The following HNRNPM variants were observed in gnomAD, a reference collection of about 807,000 sequenced individuals.
The protein encoded by HNRNPM is heterogeneous nuclear ribonucleoprotein M.
HNRNPM carries 11 observed loss-of-function variants against 73.1 expected under a neutral mutation model. The ratio of observed to expected loss-of-function variants is 0.15; its 90% CI spans 0.09 to 0.25. The LOEUF (loss-of-function observed/expected upper bound fraction) is 0.25, where lower values mean the gene tolerates loss of function less well. Ranked by LOEUF, HNRNPM falls within the 10% of genes least tolerant of loss-of-function variation. The pLI is 1.00. For missense variants in HNRNPM, 789 were observed against 1,067.9 expected (o/e 0.74, Z 3.64); for synonymous variants, 407 against 355.2 (o/e 1.15, Z -1.64).
At chr19:8,465,797 T>A (rs1357817758) in intron 6 of HNRNPM, among the ~76,000 whole-genome samples, 1 of 152,162 alleles carries the variant, frequency 6.6e-6, no homozygotes, top group Non-Finnish European at 1.5e-5. Context: ...TATGCAGTTT[T>A]GGTGCAGAGT....
intron 10 of HNRNPM, among the ~76,000 whole-genome samples, chr19:8,473,026 C>T (rs565136477): frequency 1.6e-4 from 24 of 152,234 alleles, no homozygotes; most frequent in Admixed American, 9.8e-4. Flanking sequence ...TGCCTGTAAT[C>T]CCAGCAATTT....
intron 1 of HNRNPM, among the ~76,000 whole-genome samples, chr19:8,450,021 C>T (rs924899830): frequency 1.4e-4 from 21 of 152,144 alleles, no homozygotes; most frequent in Non-Finnish European, 2.6e-4. Context: ...ATACAGGTTG[C>T]GCTGGTTTTG....
chr19:8,468,933 C>CT lies in HNRNPM; in HGVS notation c.895+99_895+100insT, dbSNP rs1969947701. The CT allele has an allele frequency of 1.5e-5, 14 of 942,232 alleles. No individual in the cohort carries two copies. The Admixed American group carries it at 2.3e-4, about 16-fold the overall frequency. The allele number at this position is 942,232 out of a possible 1,614,324, so 58.4% of individuals were successfully genotyped here. A position where few individuals can be genotyped will look rare whatever the true frequency, so the allele number is the denominator to read the frequency against. ...TTCACTTGAACCTGTGCCAGGTTAG[C>CT]CCTCAGTTCTCTTGGCCAGTTCTTT... On this transcript the variant is annotated intron_variant, in intron 9 of 15. Coordinates refer to ENST00000325495, the MANE Select transcript of HNRNPM (RefSeq NM_005968.5).
intron 12 of HNRNPM, among the ~76,000 whole-genome samples, chr19:8,478,668 T>C (rs992774972): frequency 7.9e-5 from 12 of 152,210 alleles, no homozygotes; most frequent in Admixed American, 7.2e-4. Flanking sequence ...TATTGCTATA[T>C]CAGTAGCATT....
At chr19:8,483,127 G>T (rs779875978) in intron 12 of HNRNPM, 31 bp from the exon 13 acceptor site, 2 of 1,488,320 alleles carry the variant, frequency 1.3e-6, no homozygotes, top group Non-Finnish European at 1.9e-6. Flanking sequence ...GAGGAATTTG[G>T]CTAATTTTTT....
intron 10 of HNRNPM, among the ~76,000 whole-genome samples, chr19:8,473,284 T>C (rs916670768): frequency 6.6e-6 from 1 of 151,730 alleles, no homozygotes; most frequent in Non-Finnish European, 1.5e-5. Context: ...ACTGGGTCAT[T>C]AAAGTATGTA....
intron 15 of HNRNPM, chr19:8,487,293 T>C: frequency 3.6e-6 from 2 of 552,396 alleles, no homozygotes. Flanking sequence ...CTTCCTTTTT[T>C]CTTTTTGAGT....
rs1968943760 is a variant in HNRNPM at position 8,455,504 on chromosome 19, C to T, written c.213C>T (p.Tyr71=). The part of the protein sequence containing the change: ...FEPYANPTKR[Y]RAFITNIPFD... ...CATATGCCAATCCAACTAAAAGATA[C>T]AGAGCCTTCATTACAAACATACCTT... The change falls in exon 2 of 16, where the codon TAC becomes TAT. Residue 71 remains tyrosine (Y), a synonymous_variant. Transcript: ENST00000325495. The T allele has an allele frequency of 6.2e-7, 1 of 1,613,698 alleles. No individual in the cohort carries two copies. The highest frequency in any genetic ancestry group is 1.7e-5 in the Admixed American group (1 of 59,994).
At chr19:8,481,769 A>G (rs1265194268) in intron 12 of HNRNPM, among the ~76,000 whole-genome samples, 1 of 152,150 alleles carries the variant, frequency 6.6e-6, no homozygotes, top group Admixed American at 6.5e-5. Context: ...AGCTTGGTCT[A>G]GGTGCTGGAA....
intron 2 of HNRNPM, chr19:8,461,938 A>T (rs77063268): frequency 1.3e-5 from 2 of 152,642 alleles, no homozygotes; most frequent in African/African-American, 4.8e-5. Flanking sequence ...TGTTAAAAAA[A>T]AAAACTAAGA....
intron 13 of HNRNPM, 152 bp from the exon 14 acceptor site, chr19:8,485,451 A>C (rs1971208251): frequency 1.3e-6 from 1 of 783,110 alleles, no homozygotes; most frequent in Non-Finnish European, 2.1e-6. Flanking sequence ...ACACAGCTGT[A>C]GCTGTTGTCA....
rs1969837921 is a variant in HNRNPM, at chr19:8,467,517, C to T, written c.785-18C>T. ...ACATTTTTAGAATTGCAAGAAATAG[C>T]CTTAATTGTAATACCAGCTATGTTC... On this transcript the variant is annotated intron_variant, in intron 7 of 15. Transcript: ENST00000325495. 1 of 1,600,298 alleles carries T rather than the reference C, an allele frequency of 6.2e-7. No homozygotes were observed. The highest frequency in any genetic ancestry group is 2.2e-5 in the East Asian group (1 of 44,788).
intron 1 of HNRNPM, among the ~76,000 whole-genome samples, chr19:8,451,454 T>G (rs970820163): frequency 1.3e-5 from 2 of 151,566 alleles, no homozygotes; most frequent in African/African-American, 4.9e-5. Flanking sequence ...AAAATAGGAT[T>G]GGACATGTTA....
At position 8,449,509 on chromosome 19, in the gene HNRNPM, T is replaced by C. The variant is rs149960500; in HGVS notation, c.113+4398T>C. ...ATAAAATTATTGGTAGAAAAATACA[T>C]CATTGCCTCACTGTGTGCTAAGAGT... On this transcript the variant is annotated intron_variant, in intron 1 of 15. Transcript: ENST00000325495. Among the ~76,000 whole-genome samples the C allele has an allele frequency of 1.1e-4, 17 of 152,266 alleles. No individual in the cohort carries two copies. The East Asian group carries it at 3.3e-3, about 29-fold the overall frequency.
Position 8,488,895 on chromosome 19 carries a change from TTG to T in HNRNPM, c.*43_*44del. Reference sequence around the variant, plus strand: ...AAACATCGATACGAGACCTCTGAATTTGTATTTTTTCTTGTTAACCATTTTAA... The same window carrying T: ...AAACATCGATACGAGACCTCTGAATTTATTTTTTCTTGTTAACCATTTTAA... On this transcript the variant is annotated 3_prime_UTR_variant, in exon 16 of 16. Coordinates refer to ENST00000325495, the MANE Select transcript of HNRNPM (RefSeq NM_005968.5). The T allele has an allele frequency of 6.6e-7, 1 of 1,522,058 alleles. No individual in the cohort carries two copies. The highest frequency in any genetic ancestry group is 8.9e-7 in the Non-Finnish European group (1 of 1,119,014). 94.3% of individuals were successfully genotyped at this position (1,522,058 alleles called of 1,614,324 possible).
Position 8,485,932 on chromosome 19 carries a change from G to C in HNRNPM, c.1504G>C (p.Asp502His). Residue 502 changes from aspartate to histidine, a missense_variant, in exon 14 of 16, where the codon GAC becomes CAC. Transcript: ENST00000325495. The stretch of plus-strand genomic sequence containing the variant: ...CCTTGAGCGCATGGCCGCTCCCATC[G>C]ACCGTGTGGGCCAGACCATTGAGCG... ...FGLERMAAPIDRVGQTIERMG... is the reference protein window; with the variant it reads ...FGLERMAAPIHRVGQTIERMG... 6.2e-7 allele frequency: 1 copy of C among 1,605,634 alleles called. No individual in the cohort carries two copies. Among genetic ancestry groups the C allele is most frequent in the Non-Finnish European group, 8.5e-7 (1 of 1,179,350 alleles).
At chr19:8,475,586 G>A (rs1256232693) in intron 12 of HNRNPM, among the ~76,000 whole-genome samples, 3 of 152,230 alleles carry the variant, frequency 2.0e-5, no homozygotes, top group African/African-American at 7.2e-5. Context: ...CATGATGTGT[G>A]TTGCCCTCTT....
chr19:8,477,914 G>A (rs1970632279), intron 12 of HNRNPM, among the ~76,000 whole-genome samples: 1 of 152,214 alleles, frequency 6.6e-6, no homozygotes, highest in African/African-American at 2.4e-5. Context: ...CCTTGGTCAA[G>A]TTACTAAATT....
chr19:8,486,972 C>G, intron 14 of HNRNPM, 52 bp from the exon 15 acceptor site: 2 of 1,448,768 alleles, frequency 1.4e-6, no homozygotes, highest in Non-Finnish European at 9.7e-7. Context: ...CAAGGCATGC[C>G]TTAGGATTTG....
Sources: gnomAD v4.1 joint callset for allele counts (sites outside exome capture counted in the v4.1 genomes callset) on GRCh38, gnomAD v4.1.1 for gene constraint, MANE v1.5 for transcripts, NCBI Gene and HGNC (gene_info 2026-07-23, HGNC 2026-07-21) for gene names.